ACTR3C: variants seen among roughly 807,000 people sequenced by gnomAD.
ACTR3C encodes the protein actin related protein 3C, also known as actin-related protein 3C.
In ACTR3C, 18 loss-of-function variants were observed where a neutral mutation model predicts 26.3. The ratio of observed to expected loss-of-function variants is 0.68; its 90% CI spans 0.47 to 1.01. The LOEUF is 1.01. Among genes scored for constraint, ACTR3C ranks in the 50% least tolerant of loss-of-function variants. The probability of loss-of-function intolerance (pLI) is 0.00; values close to 1 mark genes in which losing one functional copy is unlikely to be tolerated. For missense variants in ACTR3C, 184 were observed against 250.7 expected (o/e 0.73, Z 1.80); for synonymous variants, 55 against 94.5 (o/e 0.58, Z 2.42).
chr7:150,032,818 C>T, the ACTR3C span, among the ~76,000 whole-genome samples: 2 of 151,846 alleles, frequency 1.3e-5, no homozygotes, highest in East Asian at 1.9e-4. Flanking sequence ...TGTAGGTCGT[C>T]GTGGAATGTG....
chr7:149,922,897 T>A, the ACTR3C span, among the ~76,000 whole-genome samples: 1 of 146,770 alleles, frequency 6.8e-6, no homozygotes, highest in Admixed American at 7.0e-5. Context: ...ACAGGTCCAA[T>A]GCAACATGAA....
At chr7:150,314,779 A>C (rs1254740141) in intron 1 of ACTR3C, among the ~76,000 whole-genome samples, 3 of 149,156 alleles carry the variant, frequency 2.0e-5, no homozygotes, top group Non-Finnish European at 3.0e-5. Context: ...TCCAAAAAAA[A>C]AAAAAAAACA....
chr7:150,039,007 G>C, the ACTR3C span, among the ~76,000 whole-genome samples: 18 of 49,382 alleles, frequency 3.6e-4, 6 homozygotes, highest in Non-Finnish European at 5.2e-4. Context: ...GCCGGGGGGC[G>C]GGGAAGAGGG....
chr7:150,012,317 C>CTTTTTTTTTTTTTTTTTTTTTTTTTTT, the ACTR3C span, among the ~76,000 whole-genome samples: 7 of 131,254 alleles, frequency 5.3e-5, 2 homozygotes, highest in Admixed American at 1.6e-4. Context: ...ATAAATGCAT[C>CTTTTTTTTTTTTTTTTTTTTTTTTTTT]TTTTTTTTTT....
At chr7:150,182,470 C>T in the ACTR3C span, among the ~76,000 whole-genome samples, 1 of 150,570 alleles carries the variant, frequency 6.6e-6, no homozygotes, top group Non-Finnish European at 1.5e-5. Context: ...CACTTTATAC[C>T]ATTCCCTACC....
chr7:150,317,781 A>T (rs928944333), intron 1 of ACTR3C, among the ~76,000 whole-genome samples: 3 of 152,086 alleles, frequency 2.0e-5, no homozygotes, highest in Non-Finnish European at 4.4e-5. Flanking sequence ...TATTATCCAG[A>T]TGGATATTGA....
chr7:149,928,792 G>C, the ACTR3C span, among the ~76,000 whole-genome samples: 3 of 151,560 alleles, frequency 2.0e-5, no homozygotes, highest in African/African-American at 7.3e-5. Context: ...GTAGTGAGCT[G>C]AAGTCACACC....
At chr7:149,890,759 C>T in the ACTR3C span, 1 of 171,816 alleles carries the variant, frequency 5.8e-6, no homozygotes, top group Non-Finnish European at 1.3e-5. Context: ...TAGGCATAGG[C>T]AGATGGGGCA....
At chr7:149,974,859 T>A in the ACTR3C span, among the ~76,000 whole-genome samples, 1 of 152,034 alleles carries the variant, frequency 6.6e-6, no homozygotes, top group East Asian at 1.9e-4. Flanking sequence ...TTGTGAGAAA[T>A]GTAGTCAGTC....
At chr7:150,164,429 A>G in the ACTR3C span, among the ~76,000 whole-genome samples, 5 of 152,318 alleles carry the variant, frequency 3.3e-5, no homozygotes, top group East Asian at 7.7e-4. Context: ...CACATTAAAC[A>G]TGCTTCTTTC....
chr7:150,204,847 G>C, the ACTR3C span, among the ~76,000 whole-genome samples: 1 of 151,840 alleles, frequency 6.6e-6, no homozygotes, highest in Non-Finnish European at 1.5e-5. Flanking sequence ...GGGAGGACTG[G>C]CGAGTGCAGA....
At chr7:150,283,845 T>C (rs1360932124) in intron 6 of ACTR3C, among the ~76,000 whole-genome samples, 2 of 150,008 alleles carry the variant, frequency 1.3e-5, no homozygotes, top group Admixed American at 1.3e-4. Context: ...ACGGCGCGAC[T>C]CACTCAAGCA....
At chr7:150,030,467 T>G in the ACTR3C span, among the ~76,000 whole-genome samples, 2 of 152,058 alleles carry the variant, frequency 1.3e-5, no homozygotes, top group African/African-American at 4.8e-5. Flanking sequence ...CACAGCTCAT[T>G]TATTTGCTCA....
the ACTR3C span, among the ~76,000 whole-genome samples, chr7:150,151,884 A>G: frequency 7.2e-6 from 1 of 138,056 alleles, no homozygotes; most frequent in Non-Finnish European, 1.6e-5. Flanking sequence ...TATAATAATA[A>G]TAAAAAAAAT....
the ACTR3C span, among the ~76,000 whole-genome samples, chr7:150,042,299 C>A: frequency 1.4e-5 from 1 of 72,338 alleles, no homozygotes; most frequent in South Asian, 5.4e-4. Flanking sequence ...GTCCCCAGAG[C>A]CAGGGGGGGA....
the ACTR3C span, among the ~76,000 whole-genome samples, chr7:149,910,942 A>G: frequency 6.6e-6 from 1 of 151,928 alleles, no homozygotes; most frequent in Non-Finnish European, 1.5e-5. Context: ...GGCAATGCCA[A>G]GTCCTGAGAC....
the ACTR3C span, among the ~76,000 whole-genome samples, chr7:150,090,589 C>A: frequency 6.6e-6 from 1 of 151,278 alleles, no homozygotes; most frequent in African/African-American, 2.4e-5. Flanking sequence ...CAAATACTTA[C>A]AAACCTTCAA....
the ACTR3C span, among the ~76,000 whole-genome samples, chr7:149,931,063 G>C: frequency 6.6e-6 from 1 of 152,116 alleles, no homozygotes; most frequent in African/African-American, 2.4e-5. Flanking sequence ...ACAGGGTTTC[G>C]CCATGTTGGC....
At chr7:150,237,311 G>A in the ACTR3C span, among the ~76,000 whole-genome samples, 22 of 152,290 alleles carry the variant, frequency 1.4e-4, no homozygotes, top group Admixed American at 4.6e-4. Flanking sequence ...AAGCACCTAC[G>A]TTGGCTGCCT....
Sources: allele counts gnomAD v4.1 joint callset (sites outside exome capture counted in the v4.1 genomes callset), GRCh38; gene constraint gnomAD v4.1.1; transcripts MANE v1.5; gene names NCBI Gene and HGNC (gene_info 2026-07-23, HGNC 2026-07-21).